DST: variants seen among roughly 807,000 people sequenced by gnomAD.
The protein encoded by DST is dystonin.
DST carries 253 observed loss-of-function variants against 875.2 expected under a neutral mutation model. The ratio of observed to expected loss-of-function variants is 0.29; its 90% CI spans 0.26 to 0.32. DST has a LOEUF of 0.32. Among genes scored for constraint, DST ranks in the 10% least tolerant of loss-of-function variants. DST has a pLI of 1.00. For synonymous variants in DST, 3,124 were observed against 3,197.1 expected, an observed-to-expected ratio of 0.98 and a Z score of 0.77; for missense variants, 8,287 against 9,111.6, an observed-to-expected ratio of 0.91 and a Z score of 3.68.
rs763852920 is a variant in DST at position 56,631,260 on chromosome 6, G to T, written c.4093C>A (p.Leu1365Ile). ...GAATAGACTTGGTTCATGTTCTGAA[G>T]GACCACATTAAGCTCTGATCGTAGG... ...PTLRSELNVV[L>I]QNMNQVYSMS... Residue 1365 changes from leucine (L) to isoleucine (I), a missense_variant, in exon 30 of 104, where the codon CTT becomes ATT. By Grantham distance (5) the Leu-to-Ile change is conservative (BLOSUM62 2). Transcript: ENST00000680361. The T allele has an allele frequency of 8.1e-6, 13 of 1,613,946 alleles. No individual in the cohort carries two copies. The South Asian group carries it at 1.4e-4, about 18-fold the overall frequency.
chr6:56,872,420 G>GA (rs1241962976), intron 3 of DST, among the ~76,000 whole-genome samples: 3 of 152,122 alleles, frequency 2.0e-5, no homozygotes, highest in Non-Finnish European at 4.4e-5. Flanking sequence ...TACTCAAGAG[G>GA]ATGAGGTGGA....
At chr6:56,799,535 A>T (rs1297871911) in intron 4 of DST, among the ~76,000 whole-genome samples, 1 of 152,034 alleles carries the variant, frequency 6.6e-6, no homozygotes, top group Non-Finnish European at 1.5e-5. Flanking sequence ...CTCTACCAGC[A>T]TAAAGATTAT....
In DST at chr6:56,471,158, G is replaced by C; in HGVS notation, c.22269C>G (p.Asp7423Glu). The C allele has an allele frequency of 6.2e-7, 1 of 1,610,338 alleles. No individual in the cohort carries two copies. The highest frequency in any genetic ancestry group is 8.5e-7 in the Non-Finnish European group (1 of 1,178,230). ...CCTGCCGCGTTATTTTCCCATCCTG[G>C]TCTTTATCAATTCTCCTGAAGAAGT... Reference protein sequence around the residue: ...VMDFFRRIDKDQDGKITRQEF... With the variant: ...VMDFFRRIDKEQDGKITRQEF... Residue 7423 changes from aspartate to glutamate, a missense_variant, in exon 95 of 104, where the codon GAC (aspartate) becomes GAG (glutamate). Physicochemically the swap from Asp to Glu is conservative, Grantham distance 45. Transcript: ENST00000680361.
At chr6:56,758,491 T>C (rs767519148) in intron 4 of DST, among the ~76,000 whole-genome samples, 24 of 152,340 alleles carry the variant, frequency 1.6e-4, no homozygotes, top group Non-Finnish European at 3.1e-4. Context: ...ACCAACCATT[T>C]TTTTATGTTC....
rs2098472444 is a variant in DST at position 56,604,110 on chromosome 6, T to C, written c.10518A>G (p.Glu3506=). ...CTTTTTGATTAAAGTCTCCAACATG[T>C]TCTATTTTCTCTGAATATCCATCAG... ...LLADGYSEKI[E]HVGDFNQKAC... Residue 3506 remains glutamate (E), a synonymous_variant, in exon 40 of 104, where the codon GAA becomes GAG. Coordinates refer to ENST00000680361, the MANE Select transcript of DST (RefSeq NM_001374736.1). 6.3e-7 allele frequency: 1 copy of C among 1,577,498 alleles called. No individual in the cohort carries two copies. The highest frequency in any genetic ancestry group is 8.6e-7 in the Non-Finnish European group (1 of 1,159,336).
In DST at chr6:56,797,987, G is replaced by C. The variant is rs187410232; in HGVS notation, c.625+53410C>G. On this transcript the variant is annotated intron_variant, in intron 4 of 103. Coordinates refer to ENST00000680361, the MANE Select transcript of DST (RefSeq NM_001374736.1). ...CAATTCTATGAAGGCTGAGAGAGGT[G>C]AGAAAGCTGCAGAAGAAAGATTTGA... is the stretch of plus-strand genomic sequence containing the variant. Among the ~76,000 whole-genome samples, 33 of 152,286 alleles carry C rather than the reference G, an allele frequency of 2.2e-4. No individual in the cohort carries two copies. In the East Asian group the frequency reaches 5.4e-3, roughly 25 times the overall value.
At chr6:56,896,466 T>C (rs1180609140) in intron 3 of DST, among the ~76,000 whole-genome samples, 2 of 152,214 alleles carry the variant, frequency 1.3e-5, no homozygotes, top group Admixed American at 6.5e-5. Context: ...CCCAGCCATG[T>C]GGAACTGTAA....
chr6:56,599,919 G>A lies in DST; in HGVS notation c.11694+150C>T. ...TTGGAAATCTAACTTTTAGTATAAAGTTTAAAGCTCAAGCCCAGGGCGTCT... is the reference window on the plus strand; with the variant it reads ...TTGGAAATCTAACTTTTAGTATAAAATTTAAAGCTCAAGCCCAGGGCGTCT... On this transcript the variant is annotated intron_variant, in intron 45 of 103. Transcript: ENST00000680361. 3 of 625,180 alleles carry A rather than the reference G, an allele frequency of 4.8e-6. No homozygotes were observed. In the East Asian group the frequency reaches 9.0e-5, roughly 19 times the overall value. The allele number at this position is 625,180 out of a possible 1,614,324, so 38.7% of individuals were successfully genotyped here. A position where few individuals can be genotyped will look rare whatever the true frequency, so the allele number is the denominator to read the frequency against.
At position 56,605,135 on chromosome 6, in the gene DST, G is replaced by T. The variant is rs1175017685; in HGVS notation, c.9493C>A (p.His3165Asn). 6.2e-7 allele frequency: 1 copy of T among 1,612,406 alleles called. No individual in the cohort carries two copies. Among genetic ancestry groups the T allele is most frequent in the East Asian group, 2.2e-5 (1 of 44,808 alleles). The part of the protein sequence containing the change: ...SDITSWEGNT[H>N]FEESFTDGPE... Reference sequence around the variant, plus strand: ...CCATCAGTGAATGACTCCTCAAAATGTGTATTCCCTTCCCACGATGTAATG... The same window carrying T: ...CCATCAGTGAATGACTCCTCAAAATTTGTATTCCCTTCCCACGATGTAATG... Residue 3165 changes from histidine (H) to asparagine (N), a missense_variant, in exon 40 of 104, where the codon CAT becomes AAT. Transcript: ENST00000680361.
rs1169159851 is a variant in DST at position 56,609,446 on chromosome 6, A to C, written c.5284-102T>G. 7.2e-6 allele frequency: 6 copies of C among 838,806 alleles called. No homozygotes were observed. In the African/African-American group the frequency reaches 1.0e-4, roughly 14 times the overall value. 52.0% of individuals were successfully genotyped at this position (838,806 alleles called of 1,614,324 possible). On this transcript the variant is annotated intron_variant, in intron 39 of 103. Transcript: ENST00000680361. The stretch of plus-strand genomic sequence containing the variant: ...TAAAAAATAAATAATACATTTCAAC[A>C]TAAAAATCCTCTACTTACCAAGGCG...
chr6:56,744,852 G>A (rs1160398134), intron 4 of DST, among the ~76,000 whole-genome samples: 1 of 152,146 alleles, frequency 6.6e-6, no homozygotes, highest in Non-Finnish European at 1.5e-5. Context: ...ATGGGTAATA[G>A]GAAAAAGTCC....
chr6:56,885,086 T>C (rs1784066008), intron 3 of DST, among the ~76,000 whole-genome samples: 1 of 152,226 alleles, frequency 6.6e-6, no homozygotes, highest in African/African-American at 2.4e-5. Flanking sequence ...TTGTGATTGA[T>C]GGTTTCTATG....
chr6:56,493,274 C>T (rs1244568396), intron 83 of DST, among the ~76,000 whole-genome samples, 185 bp from the exon 84 acceptor site: 1 of 152,012 alleles, frequency 6.6e-6, no homozygotes, highest in Non-Finnish European at 1.5e-5. Context: ...AACCAAAACC[C>T]TTTAAGCCTA....
rs181068025 is a variant in DST at position 56,547,670 on chromosome 6, A to G, written c.16608+4514T>C. ...CAGTTTTTGGACAGTTTGATTTTCA[A>G]TATGGTGACATCAGAGGTTGTTTCT... On this transcript the variant is annotated intron_variant, in intron 61 of 103. Coordinates refer to ENST00000680361, the MANE Select transcript of DST (RefSeq NM_001374736.1). Among the ~76,000 whole-genome samples the G allele has an allele frequency of 1.8e-3, 267 of 152,324 alleles. 1 individual carries two copies. The highest frequency in any genetic ancestry group is 6.0e-3 in the African/African-American group (251 of 41,578).
chr6:56,529,365 C>T, intron 66 of DST, 83 bp downstream of exon 66: 2 of 1,133,648 alleles, frequency 1.8e-6, no homozygotes, highest in Non-Finnish European at 2.3e-6. Flanking sequence ...TCATCATAAA[C>T]ATAAAATTGT....
chr6:56,558,591 A>G (rs2097471296), intron 58 of DST, among the ~76,000 whole-genome samples: 7 of 152,120 alleles, frequency 4.6e-5, no homozygotes, highest in Admixed American at 4.6e-4. Flanking sequence ...AATGTTTCTC[A>G]GCTGCAAGCC....
chr6:56,463,479 T>C, intron 101 of DST, 86 bp downstream of exon 101: 1 of 1,257,036 alleles, frequency 8.0e-7, no homozygotes, highest in South Asian at 1.5e-5. Flanking sequence ...GTCCTACAAA[T>C]TCTAGGGCCC....
At position 56,604,949 on chromosome 6, in the gene DST, C is replaced by T. The variant is rs1210726947; in HGVS notation, c.9679G>A (p.Glu3227Lys). 2.5e-6 allele frequency: 4 copies of T among 1,612,694 alleles called. No individual in the cohort carries two copies. The highest frequency in any genetic ancestry group is 2.2e-5 in the South Asian group (2 of 91,030). Reference sequence around the variant, plus strand: ...TCTTTTTGGGTACTAGTGGACTTCTCTTTTGTATTATTAACTCCTAATTGT... The same window carrying T: ...TCTTTTTGGGTACTAGTGGACTTCTTTTTTGTATTATTAACTCCTAATTGT... Reference protein sequence around the residue: ...HLQLGVNNTKEKSTSTQKDSP... With the variant: ...HLQLGVNNTKKKSTSTQKDSP... The change falls in exon 40 of 104, where the codon GAG becomes AAG. Residue 3227 changes from glutamate to lysine, a missense_variant. Coordinates refer to ENST00000680361, the MANE Select transcript of DST (RefSeq NM_001374736.1).
chr6:56,881,878 T>C (rs1782383686), intron 3 of DST, among the ~76,000 whole-genome samples: 2 of 152,152 alleles, frequency 1.3e-5, no homozygotes, highest in Non-Finnish European at 2.9e-5. Context: ...TAATATTCAA[T>C]TTCATAGAGA....
Sources: allele counts gnomAD v4.1 joint callset (sites outside exome capture counted in the v4.1 genomes callset), GRCh38; gene constraint gnomAD v4.1.1; transcripts MANE v1.5; gene names NCBI Gene and HGNC (gene_info 2026-07-23, HGNC 2026-07-21).